UBE2O: variants seen among roughly 807,000 people sequenced by gnomAD.
UBE2O encodes ubiquitin conjugating enzyme E2 O.
Under a neutral mutation model 125.8 loss-of-function variants are expected in UBE2O, and 15 were observed. The ratio of observed to expected loss-of-function variants is 0.12; its 90% CI spans 0.08 to 0.18. The LOEUF is 0.18. Among genes scored for constraint, UBE2O ranks in the 10% least tolerant of loss-of-function variants. The pLI is 1.00. For missense variants in UBE2O, 1,280 were observed against 1,723.6 expected (o/e 0.74, Z 4.56); for synonymous variants, 708 against 703.2 (o/e 1.01, Z -0.11).
chr17:76,401,910 T>G (rs950335544), intron 5 of UBE2O, 154 bp downstream of exon 5: 1 of 501,740 alleles, frequency 2.0e-6, no homozygotes, highest in Non-Finnish European at 3.4e-6. Context: ...TAATACTTTC[T>G]GCCTATACCC....
intron 1 of UBE2O, among the ~76,000 whole-genome samples, chr17:76,412,728 G>A (rs944243371): frequency 6.6e-6 from 1 of 152,180 alleles, no homozygotes; most frequent in African/African-American, 2.4e-5. Context: ...AAACCAACTC[G>A]GCCGGGCGCA....
intron 1 of UBE2O, chr17:76,430,603 C>A: frequency 3.1e-6 from 1 of 319,102 alleles, no homozygotes. Flanking sequence ...TGAGACTGAT[C>A]AATCAAAGTG....
chr17:76,405,112 GGC>G lies in UBE2O; in HGVS notation c.588+92_588+93del. 1 of 934,240 alleles carries G rather than the reference GGC, an allele frequency of 1.1e-6. No individual in the cohort carries two copies. Among genetic ancestry groups the G allele is most frequent in the South Asian group, 1.7e-5 (1 of 57,200 alleles). The allele number at this position is 934,240 out of a possible 1,614,324, so 57.9% of individuals were successfully genotyped here. On this transcript the variant is annotated intron_variant, in intron 3 of 17. Coordinates refer to ENST00000319380, the MANE Select transcript of UBE2O (RefSeq NM_022066.4). The surrounding 1 kb of genome is among the most constrained non-coding windows in gnomAD (Gnocchi z 6.1). ...CTTCTGACCCAGGAAGGCTGTGCTT[GGC>G]AAGAGCACGGAGGAGGCTGTAGCCC...
intron 1 of UBE2O, among the ~76,000 whole-genome samples, chr17:76,419,462 G>T (rs1466322601): frequency 6.6e-6 from 1 of 152,128 alleles, no homozygotes; most frequent in Non-Finnish European, 1.5e-5. Flanking sequence ...AGGCGTAAAA[G>T]CAAGGTGACT....
chr17:76,428,215 T>C (rs1049746311), intron 1 of UBE2O, among the ~76,000 whole-genome samples: 6 of 152,226 alleles, frequency 3.9e-5, no homozygotes, highest in African/African-American at 1.4e-4. Context: ...TGACCCGTTT[T>C]TGCTCTTCGG....
intron 1 of UBE2O, among the ~76,000 whole-genome samples, chr17:76,418,525 G>A (rs2072652518): frequency 6.6e-6 from 1 of 152,026 alleles, no homozygotes; most frequent in African/African-American, 2.4e-5. Context: ...ATGAAGCTGT[G>A]GAAAATGGAG....
Position 76,400,042 on chromosome 17 carries a change from G to C in UBE2O, c.1155+105C>G. 3 of 1,532,008 alleles carry C rather than the reference G, an allele frequency of 2.0e-6. No individual in the cohort carries two copies. Among genetic ancestry groups the C allele is most frequent in the Non-Finnish European group, 2.6e-6 (3 of 1,133,246 alleles). The allele number at this position is 1,532,008 out of a possible 1,614,324, so 94.9% of individuals were successfully genotyped here. ...CCTGAGTAGCCGGCAAGGGTCATCA[G>C]GGCTGCCCCCCAAGGCCTAAAGCAC... On this transcript the variant is annotated intron_variant, in intron 8 of 17. Coordinates refer to ENST00000319380, the MANE Select transcript of UBE2O (RefSeq NM_022066.4). The surrounding 1 kb of genome is among the most constrained non-coding windows in gnomAD (Gnocchi z 4.3).
Position 76,396,708 on chromosome 17 carries a change from C to T in UBE2O, c.2229G>A (p.Thr743=), listed in dbSNP as rs200167973. Residue 743 remains threonine (T), a synonymous_variant, in exon 14 of 18, where the codon ACG becomes ACA. Transcript: ENST00000319380. The surrounding 1 kb of genome is among the most constrained non-coding windows in gnomAD (Gnocchi z 6.7). ...GCTCGTCCTCCACCAGCCCATTGTC[C>T]GTCTCCCAGCTGTCACTATCATCTT... ...EWEDDSDSWE[T]DNGLVEDEHP... The T allele has an allele frequency of 1.9e-5, 31 of 1,613,992 alleles. No individual in the cohort carries two copies. Among genetic ancestry groups the T allele is most frequent in the Middle Eastern group, 3.3e-4 (2 of 6,060 alleles).
rs755834257 is a variant in UBE2O at position 76,400,240 on chromosome 17, C to G, written c.1062G>C (p.Leu354=). Residue 354 remains leucine, a synonymous_variant, in exon 8 of 18, where the codon CTG becomes CTC. Coordinates refer to ENST00000319380, the MANE Select transcript of UBE2O (RefSeq NM_022066.4). The surrounding 1 kb of genome is among the most constrained non-coding windows in gnomAD (Gnocchi z 4.3). ...GCTCTACCTTGGCTGGGAAGACATACAGACAGCGCTCCCCAAGCTGCCGCT... is the reference window on the plus strand; with the variant it reads ...GCTCTACCTTGGCTGGGAAGACATAGAGACAGCGCTCCCCAAGCTGCCGCT... The part of the protein sequence containing the change: ...HAQRQLGERC[L]YVFPAKVEPA... 3 of 1,614,042 alleles carry G rather than the reference C, an allele frequency of 1.9e-6. No individual in the cohort carries two copies. Among genetic ancestry groups the G allele is most frequent in the South Asian group, 2.2e-5 (2 of 91,084 alleles).
chr17:76,437,281 T>C (rs2073011710), intron 1 of UBE2O, among the ~76,000 whole-genome samples: 1 of 150,650 alleles, frequency 6.6e-6, no homozygotes, highest in African/African-American at 2.4e-5. Flanking sequence ...AAACCCCGTC[T>C]CTACTAAAAA....
At position 76,399,398 on chromosome 17, in the gene UBE2O, T is replaced by C. The variant is rs921480456; in HGVS notation, c.1628+51A>G. Reference sequence around the variant, plus strand: ...ACGCACACCGAGGGGACGCGCACTCTGCCTGGCTTCACGCTGACGCCATTG... The same window carrying C: ...ACGCACACCGAGGGGACGCGCACTCCGCCTGGCTTCACGCTGACGCCATTG... On this transcript the variant is annotated intron_variant, in intron 9 of 17. Transcript: ENST00000319380. This position sits in a 1 kb window ranked among gnomAD's most constrained non-coding sequence, Gnocchi z 6.9. 3 of 1,564,672 alleles carry C rather than the reference T, an allele frequency of 1.9e-6. No homozygotes were observed. The highest frequency in any genetic ancestry group is 1.3e-5 in the African/African-American group (1 of 74,090).
chr17:76,412,939 C>T (rs1487580679), intron 1 of UBE2O, among the ~76,000 whole-genome samples: 7 of 152,058 alleles, frequency 4.6e-5, no homozygotes, highest in Admixed American at 1.3e-4. Flanking sequence ...ACCCGGGAGG[C>T]GGAGGTTGCA....
chr17:76,417,227 A>C (rs2072631516), intron 1 of UBE2O, among the ~76,000 whole-genome samples: 2 of 151,878 alleles, frequency 1.3e-5, no homozygotes, highest in Admixed American at 6.6e-5. Flanking sequence ...TCTGCTCTTC[A>C]CATGTGGGCA....
intron 1 of UBE2O, among the ~76,000 whole-genome samples, chr17:76,447,726 C>A (rs2073173014): frequency 6.6e-6 from 1 of 152,170 alleles, no homozygotes; most frequent in African/African-American, 2.4e-5. Context: ...TCACTAGCAA[C>A]ACGAGCCATT....
At chr17:76,420,779 C>T (rs938726998) in intron 1 of UBE2O, among the ~76,000 whole-genome samples, 1 of 152,154 alleles carries the variant, frequency 6.6e-6, no homozygotes, top group African/African-American at 2.4e-5. Flanking sequence ...GTTGGTCCTG[C>T]CAGCATTCAA....
chr17:76,392,008 G>T lies in UBE2O; in HGVS notation c.3052C>A (p.His1018Asn), dbSNP rs776920459. ...CTGCATTGGGAGAGGTAGCAGAAGT[G>T]GGGGGGCACGGCTGGGTAGATGTTG... ...LPNIYPAVPP[H>N]FCYLSQCSGR... Residue 1018 changes from histidine (H) to asparagine (N), a missense_variant, in exon 16 of 18, where the codon CAC becomes AAC. Physicochemically the swap from His to Asn is moderately conservative, Grantham distance 68. Around this residue, in one of 10 missense-constraint regions of UBE2O, gnomAD observed 37 missense variants for 115.6 expected, o/e 0.32. Transcript: ENST00000319380. 6.3e-6 allele frequency: 10 copies of T among 1,595,736 alleles called. No homozygotes were observed. The highest frequency in any genetic ancestry group is 8.5e-6 in the Non-Finnish European group (10 of 1,171,552).
chr17:76,423,760 G>C (rs2072750496), intron 1 of UBE2O, among the ~76,000 whole-genome samples: 2 of 151,428 alleles, frequency 1.3e-5, no homozygotes, highest in Non-Finnish European at 1.5e-5. Context: ...TGCCAAGGGA[G>C]AGCCTGAAGA....
intron 1 of UBE2O, among the ~76,000 whole-genome samples, chr17:76,424,074 A>AT (rs1304500865): frequency 1.3e-5 from 2 of 151,206 alleles, no homozygotes; most frequent in African/African-American, 4.9e-5. Flanking sequence ...TGCCCAGCTA[A>AT]TTTTTTTGTA....
chr17:76,430,080 G>A (rs1264178745), intron 1 of UBE2O, among the ~76,000 whole-genome samples: 1 of 152,046 alleles, frequency 6.6e-6, no homozygotes, highest in East Asian at 1.9e-4. Flanking sequence ...TCCAATTCCT[G>A]ATGCTTTCTA....
Sources: allele counts gnomAD v4.1 joint callset (sites outside exome capture counted in the v4.1 genomes callset), GRCh38; gene constraint gnomAD v4.1.1; regional missense constraint gnomAD v4.1.1; non-coding constraint Gnocchi (gnomAD v3.1); transcripts MANE v1.5; gene names NCBI Gene and HGNC (gene_info 2026-07-23, HGNC 2026-07-21).